The following PRIM1 variants were observed in gnomAD, a reference collection of about 807,000 sequenced individuals.
PRIM1 encodes DNA primase small subunit.
PRIM1 carries 38 observed loss-of-function variants against 60.2 expected under a neutral mutation model. That is an observed-to-expected ratio of 0.63 (90% CI 0.49 to 0.83). PRIM1 has a LOEUF of 0.83. PRIM1 is among the 40% of genes least tolerant of loss of function. The probability of loss-of-function intolerance (pLI) is 0.00; values close to 1 mark genes in which losing one functional copy is unlikely to be tolerated. For synonymous variants in PRIM1, 158 were observed against 160.2 expected, an observed-to-expected ratio of 0.99 and a Z score of 0.10; for missense variants, 388 against 506.2, an observed-to-expected ratio of 0.77 and a Z score of 2.24.
At chr12:56,752,019 A>G (rs1179396500) in intron 1 of PRIM1, 177 bp downstream of exon 1, 15 of 201,386 alleles carry the variant, frequency 7.4e-5, no homozygotes, top group African/African-American at 4.5e-4. Context: ...CTGGCTTATT[A>G]TATCCTCTCT....
chr12:56,738,668 C>T, intron 10 of PRIM1, 143 bp from the exon 11 acceptor site: 1 of 800,930 alleles, frequency 1.2e-6, no homozygotes, highest in East Asian at 3.0e-5. Context: ...TCTTCTGCCT[C>T]AGCCTCCCAA....
chr12:56,746,194 G>T lies in PRIM1; in HGVS notation c.443-13C>A. 3 of 1,605,464 alleles carry T rather than the reference G, an allele frequency of 1.9e-6. No individual in the cohort carries two copies. The highest frequency in any genetic ancestry group is 2.2e-5 in the South Asian group (2 of 89,698). Reference sequence around the variant, plus strand: ...AATCCAAAGTCCTCTGAGGAAGAGAGAAATAATAGGTTTTAAAACAAATCT... The same window carrying T: ...AATCCAAAGTCCTCTGAGGAAGAGATAAATAATAGGTTTTAAAACAAATCT... On this transcript the variant is annotated splice_polypyrimidine_tract_variant and intron_variant, in intron 4 of 12. Coordinates refer to ENST00000338193, the MANE Select transcript of PRIM1 (RefSeq NM_000946.3).
At chr12:56,740,961 G>C (rs949914110) in intron 9 of PRIM1, among the ~76,000 whole-genome samples, 1 of 152,006 alleles carries the variant, frequency 6.6e-6, no homozygotes, top group Non-Finnish European at 1.5e-5. Flanking sequence ...CTACAGGCAT[G>C]CACCACCACG....
intron 11 of PRIM1, among the ~76,000 whole-genome samples, chr12:56,736,514 T>C (rs1456151127): frequency 3.3e-5 from 5 of 151,882 alleles, no homozygotes; most frequent in Non-Finnish European, 5.9e-5. Flanking sequence ...TATACTTTTT[T>C]TTTTTTTGAG....
At chr12:56,742,878 A>G in intron 7 of PRIM1, 109 bp downstream of exon 7, 1 of 789,386 alleles carries the variant, frequency 1.3e-6, no homozygotes, top group Non-Finnish European at 1.9e-6. Context: ...TGTGTAAAAA[A>G]GATTAAACTT....
chr12:56,744,038 A>C, intron 6 of PRIM1, 27 bp downstream of exon 6: 2 of 1,516,048 alleles, frequency 1.3e-6, no homozygotes, highest in Non-Finnish European at 1.8e-6. Context: ...AGACACCTTA[A>C]AGTGCTTGGA....
In PRIM1 at chr12:56,752,284, G is replaced by A; in HGVS notation, c.15C>T (p.Asp5=). The A allele has an allele frequency of 6.3e-7, 1 of 1,585,116 alleles. No individual in the cohort carries two copies. Residue 5 remains aspartate (D), a synonymous_variant, in exon 1 of 13, where the codon GAC becomes GAT. Coordinates refer to ENST00000338193, the MANE Select transcript of PRIM1 (RefSeq NM_000946.3). ...TAAGCAGCTCGGGCAGCTCGGTGGG[G>A]TCAAACGTCTCCATTGAGCGCGGAA... METF[D]PTELPELLKL...
chr12:56,743,957 AT>A (rs1953889387), intron 6 of PRIM1, 107 bp downstream of exon 6: 1 of 724,862 alleles, frequency 1.4e-6, no homozygotes, highest in Non-Finnish European at 2.3e-6. Context: ...CATAGCTATT[AT>A]TATTATAAAA....
chr12:56,746,015 C>A, intron 5 of PRIM1, 30 bp downstream of exon 5: 2 of 1,571,906 alleles, frequency 1.3e-6, no homozygotes, highest in Non-Finnish European at 1.7e-6. Flanking sequence ...GAAACTAAAG[C>A]AATGCAAATT....
chr12:56,738,515 G>A lies in PRIM1; in HGVS notation c.1063C>T (p.Arg355Cys), dbSNP rs373368001. 1.3e-5 allele frequency: 20 copies of A among 1,576,608 alleles called. No individual in the cohort carries two copies. Among genetic ancestry groups the A allele is most frequent in the East Asian group, 6.9e-5 (3 of 43,680 alleles). The stretch of plus-strand genomic sequence containing the variant: ...TTAGTGGAAATGGCATCCAATTCAC[G>A]GCAGATGAAGCTGCAAGTAACAGAA... ...FTVPTISFIC[R>C]ELDAISTNEE... The change falls in exon 11 of 13, where the codon CGT becomes TGT. Residue 355 changes from arginine (R) to cysteine (C), a missense_variant. Physicochemically the swap from Arg to Cys is radical, Grantham distance 180. This residue lies in a region of PRIM1 where 211 missense variants were observed against 277.9 expected (regional missense o/e 0.76). Coordinates refer to ENST00000338193, the MANE Select transcript of PRIM1 (RefSeq NM_000946.3).
chr12:56,747,949 G>T (rs962849775), intron 2 of PRIM1, among the ~76,000 whole-genome samples: 16 of 152,144 alleles, frequency 1.1e-4, no homozygotes, highest in African/African-American at 3.9e-4. Flanking sequence ...GTAAGTGCGT[G>T]TTTAGTGAAG....
chr12:56,738,875 T>C (rs1488827941), intron 10 of PRIM1, among the ~76,000 whole-genome samples: 1 of 152,120 alleles, frequency 6.6e-6, no homozygotes, highest in East Asian at 1.9e-4. Context: ...TTAATGTTGG[T>C]TTCTGATCAG....
chr12:56,747,756 C>T (rs566696237), intron 2 of PRIM1, among the ~76,000 whole-genome samples: 1 of 152,008 alleles, frequency 6.6e-6, no homozygotes, highest in Admixed American at 6.6e-5. Flanking sequence ...AAAAAAAGAA[C>T]CTGAGAGGTT....
At chr12:56,740,763 A>G (rs1009877320) in intron 9 of PRIM1, among the ~76,000 whole-genome samples, 1 of 151,992 alleles carries the variant, frequency 6.6e-6, no homozygotes, top group African/African-American at 2.4e-5. Context: ...TCTCGAAAAA[A>G]ATTTTTTTTT....
chr12:56,732,854 A>T (rs1202583493), intron 12 of PRIM1, among the ~76,000 whole-genome samples: 1 of 151,696 alleles, frequency 6.6e-6, no homozygotes, highest in South Asian at 2.1e-4. Flanking sequence ...ATTAGGGATT[A>T]GAAATTTTTT....
At chr12:56,749,337 A>T (rs1490592672) in intron 2 of PRIM1, among the ~76,000 whole-genome samples, 1 of 152,162 alleles carries the variant, frequency 6.6e-6, no homozygotes, top group Non-Finnish European at 1.5e-5. Flanking sequence ...AGCCGAATAG[A>T]AGTACTTGAT....
intron 12 of PRIM1, among the ~76,000 whole-genome samples, chr12:56,733,755 A>G (rs544583153): frequency 4.6e-4 from 70 of 151,734 alleles, no homozygotes; most frequent in Non-Finnish European, 9.4e-4. Flanking sequence ...ACGCCCAGCT[A>G]ATTTTTTGTA....
intron 6 of PRIM1, 105 bp downstream of exon 6, chr12:56,743,959 TA>T: frequency 1.4e-6 from 1 of 734,116 alleles, no homozygotes; most frequent in Non-Finnish European, 2.2e-6. Flanking sequence ...TAGCTATTAT[TA>T]TTATAAAATG....
At position 56,747,067 on chromosome 12, in the gene PRIM1, A is replaced by C. The variant is rs760805358; in HGVS notation, c.262-35T>G. 4 of 1,515,216 alleles carry C rather than the reference A, an allele frequency of 2.6e-6. No homozygotes were observed. The South Asian group carries it at 3.5e-5, about 13-fold the overall frequency. 93.9% of individuals were successfully genotyped at this position (1,515,216 alleles called of 1,614,324 possible). A position where few individuals can be genotyped will look rare whatever the true frequency, so the allele number is the denominator to read the frequency against. On this transcript the variant is annotated intron_variant, in intron 2 of 12. Coordinates refer to ENST00000338193, the MANE Select transcript of PRIM1 (RefSeq NM_000946.3). ...CAAAATATTGATCAGTTTCTATAAG[A>C]GCTGCCACACTGCTAAATCTGCTTA... is the stretch of plus-strand genomic sequence containing the variant.
Sources: gnomAD v4.1 joint callset for allele counts (sites outside exome capture counted in the v4.1 genomes callset) on GRCh38, gnomAD v4.1.1 for gene constraint, gnomAD v4.1.1 regional missense constraint, MANE v1.5 for transcripts, NCBI Gene and HGNC (gene_info 2026-07-23, HGNC 2026-07-21) for gene names.